VPS53: variants seen among roughly 807,000 people sequenced by gnomAD.
The protein encoded by VPS53 is VPS53 subunit of GARP complex, also known as vacuolar protein sorting-associated protein 53 homolog.
A neutral mutation model predicts 107.0 loss-of-function variants in VPS53; 70 were observed. That is an observed-to-expected ratio of 0.65 (90% CI 0.54 to 0.80). The LOEUF (loss-of-function observed/expected upper bound fraction) is 0.80, where lower values mean the gene tolerates loss of function less well. Ranked by LOEUF, VPS53 falls within the 30% of genes least tolerant of loss-of-function variation. The pLI is 0.00. For synonymous variants in VPS53, 409 were observed against 393.3 expected, an observed-to-expected ratio of 1.04 and a Z score of -0.47; for missense variants, 917 against 1,049.4, an observed-to-expected ratio of 0.87 and a Z score of 1.74.
chr17:535,466 G>C (rs1909977936), intron 18 of VPS53, among the ~76,000 whole-genome samples: 2 of 151,618 alleles, frequency 1.3e-5, no homozygotes, highest in Non-Finnish European at 2.9e-5. Context: ...GGAGACGCCG[G>C]GACTGGCTAA....
chr17:627,065 G>T, intron 10 of VPS53, 109 bp downstream of exon 10: 1 of 1,396,218 alleles, frequency 7.2e-7, no homozygotes, highest in Non-Finnish European at 9.6e-7. Context: ...CATCTGGTGG[G>T]GTCTGGAAGT....
At chr17:634,869 T>C (rs1167782559) in intron 7 of VPS53, among the ~76,000 whole-genome samples, 2 of 146,978 alleles carry the variant, frequency 1.4e-5, no homozygotes, top group Non-Finnish European at 3.1e-5. Flanking sequence ...TGTGCATGTG[T>C]CTTTATAGCA....
chr17:627,136 T>C (rs111719370), intron 10 of VPS53, 38 bp downstream of exon 10: 820 of 1,585,336 alleles, frequency 5.2e-4, no homozygotes, highest in Non-Finnish European at 6.2e-4. Context: ...TGGTGAAAAT[T>C]TGATTAACCA....
chr17:520,872 A>ACATGAGCTCTTCACCCTCACCTC lies in VPS53; in HGVS notation c.2223+728_2223+729insGAGGTGAGGGTGAAGAGCTCATG, dbSNP rs1350053255. Reference sequence around the variant, plus strand: ...CTACATGAGCTCTTCACCCTCACCTACATGAGCTCTTCACCCTTACCTACA... The same window carrying ACATGAGCTCTTCACCCTCACCTC: ...CTACATGAGCTCTTCACCCTCACCTACATGAGCTCTTCACCCTCACCTCCATGAGCTCTTCACCCTTACCTACA... On this transcript the variant is annotated intron_variant, in intron 20 of 21. Coordinates refer to ENST00000437048, the MANE Select transcript of VPS53 (RefSeq NM_001128159.3). The surrounding 1 kb of genome is among the most constrained non-coding windows in gnomAD (Gnocchi z 4.4). Among the ~76,000 whole-genome samples, 1 of 151,292 alleles carries ACATGAGCTCTTCACCCTCACCTC rather than the reference A, an allele frequency of 6.6e-6. No homozygotes were observed. The highest frequency in any genetic ancestry group is 2.4e-5 in the African/African-American group (1 of 41,072).
At position 508,690 on chromosome 17, in the gene VPS53, T is replaced by C. The variant is rs1027784017; in HGVS notation, c.*10438A>G. The C allele has an allele frequency of 2.6e-5, 4 of 152,174 alleles. No individual in the cohort carries two copies. The highest frequency in any genetic ancestry group is 1.3e-4 in the Admixed American group (2 of 15,276). 9.4% of individuals were successfully genotyped at this position (152,174 alleles called of 1,614,324 possible). ...GGAGCCTGTTACCATCTCTGTTTAA[T>C]TGAAGAGCCTCTACCATTGCAAGAA... On this transcript the variant is annotated 3_prime_UTR_variant, in exon 22 of 22. Coordinates refer to ENST00000437048, the MANE Select transcript of VPS53 (RefSeq NM_001128159.3).
In VPS53 at chr17:516,776, C is replaced by G. The variant is rs1908343413; in HGVS notation, c.*2352G>C. On this transcript the variant is annotated 3_prime_UTR_variant, in exon 22 of 22. Coordinates refer to ENST00000437048, the MANE Select transcript of VPS53 (RefSeq NM_001128159.3). The stretch of plus-strand genomic sequence containing the variant: ...TCAAGGAGACATTTAACAGAAACTC[C>G]TACTGACATCCATTGGTTCCTTGGG... 1 of 152,276 alleles carries G rather than the reference C, an allele frequency of 6.6e-6. No homozygotes were observed. The highest frequency in any genetic ancestry group is 1.5e-5 in the Non-Finnish European group (1 of 68,066). The allele number at this position is 152,276 out of a possible 1,614,324, so 9.4% of individuals were successfully genotyped here. A position where few individuals can be genotyped will look rare whatever the true frequency, so the allele number is the denominator to read the frequency against.
chr17:696,791 C>CT (rs67948585), intron 4 of VPS53, among the ~76,000 whole-genome samples: 90,852 of 113,674 alleles, frequency 0.8, 37,828 homozygotes, highest in South Asian at 0.93. Context: ...ACTTATAAAA[C>CT]TTTTTTTTTT....
intron 11 of VPS53, among the ~76,000 whole-genome samples, chr17:618,257 A>C (rs1597388102): frequency 1.4e-5 from 1 of 71,004 alleles, no homozygotes; most frequent in Admixed American, 1.4e-4. Context: ...GTGCACCACC[A>C]CGCCTGCTAA....
chr17:532,883 G>C lies in VPS53; in HGVS notation c.2044C>G (p.Leu682Val). ...NSFIPKFITH[L>V]FKCKPISMVG... is the part of the protein sequence containing the mutation. ...ATGCTAATTGGCTTGCACTTGAAGA[G>C]GTGGGTGATGAATTTGGGAATGAAG... The change falls in exon 19 of 22, where the codon CTC (leucine) becomes GTC (valine). Residue 682 changes from leucine (L) to valine (V), a missense_variant. By Grantham distance (32) the Leu-to-Val change is conservative (BLOSUM62 1). Transcript: ENST00000437048. 1 of 1,614,024 alleles carries C rather than the reference G, an allele frequency of 6.2e-7. No homozygotes were observed. Among genetic ancestry groups the C allele is most frequent in the South Asian group, 1.1e-5 (1 of 91,048 alleles).
At chr17:630,296 A>AAAC (rs1567690349) in intron 8 of VPS53, among the ~76,000 whole-genome samples, 1 of 152,004 alleles carries the variant, frequency 6.6e-6, no homozygotes, top group African/African-American at 2.4e-5. Flanking sequence ...CGTCAAAAAA[A>AAAC]AAACAAACAA....
intron 4 of VPS53, among the ~76,000 whole-genome samples, chr17:667,496 G>A (rs1016322542): frequency 1.0e-5 from 1 of 99,898 alleles, no homozygotes; most frequent in African/African-American, 5.3e-5. Context: ...TAATGTTCTG[G>A]GGGGGGCAAT....
Position 553,290 on chromosome 17 carries a change from G to A in VPS53, c.1787+90C>T, listed in dbSNP as rs189637803. 2.8e-4 allele frequency: 341 copies of A among 1,237,844 alleles called. 2 individuals are homozygous for A. The African/African-American group carries it at 3.9e-3, about 14-fold the overall frequency. The allele number at this position is 1,237,844 out of a possible 1,614,324, so 76.7% of individuals were successfully genotyped here. A position where few individuals can be genotyped will look rare whatever the true frequency, so the allele number is the denominator to read the frequency against. ...GTGTAGTGGAGAAAGGGCAGGCAGCGAGCAAGCGTGTGCAGGGTACATACG... is the reference window on the plus strand; with the variant it reads ...GTGTAGTGGAGAAAGGGCAGGCAGCAAGCAAGCGTGTGCAGGGTACATACG... On this transcript the variant is annotated intron_variant, in intron 16 of 21. Coordinates refer to ENST00000437048, the MANE Select transcript of VPS53 (RefSeq NM_001128159.3).
chr17:606,794 A>C (rs1968606050), intron 11 of VPS53, among the ~76,000 whole-genome samples: 1 of 152,114 alleles, frequency 6.6e-6, no homozygotes, highest in Admixed American at 6.5e-5. Context: ...ACTCCTTCTG[A>C]GAATCCAATG....
In VPS53 at chr17:536,905, G is replaced by A. The variant is rs1910122326; in HGVS notation, c.2015+123C>T. ...TGGGAAGACTGTGCATGTTGGGGGG[G>A]TCAGGTACACGGGAAATCTCTGTGC... On this transcript the variant is annotated intron_variant, in intron 18 of 21. Coordinates refer to ENST00000437048, the MANE Select transcript of VPS53 (RefSeq NM_001128159.3). The A allele has an allele frequency of 2.4e-6, 3 of 1,257,396 alleles. No homozygotes were observed. The Admixed American group carries it at 7.0e-5, about 29-fold the overall frequency. 77.9% of individuals were successfully genotyped at this position (1,257,396 alleles called of 1,614,324 possible).
intron 11 of VPS53, among the ~76,000 whole-genome samples, chr17:623,092 C>T (rs187329787): frequency 2.6e-4 from 40 of 152,190 alleles, no homozygotes; most frequent in Admixed American, 9.2e-4. Flanking sequence ...AATGGAGGCA[C>T]GTAGTCCCCA....
At chr17:604,897 T>C (rs1968492916) in intron 11 of VPS53, among the ~76,000 whole-genome samples, 1 of 151,898 alleles carries the variant, frequency 6.6e-6, no homozygotes, top group Admixed American at 6.6e-5. Context: ...GCCCTAGGAG[T>C]AGAGCAGTGA....
chr17:685,937 A>AG (rs1400057039), intron 4 of VPS53, among the ~76,000 whole-genome samples: 3 of 152,106 alleles, frequency 2.0e-5, no homozygotes, highest in Non-Finnish European at 2.9e-5. Flanking sequence ...GTTTGAGGCC[A>AG]GGAGTTTGAG....
intron 9 of VPS53, among the ~76,000 whole-genome samples, chr17:627,853 T>C (rs563390244): frequency 2.0e-5 from 3 of 152,302 alleles, no homozygotes; most frequent in African/African-American, 7.2e-5. Context: ...GGTCTATACA[T>C]TTCCAGAAAC....
chr17:645,256 G>A (rs533745126), intron 7 of VPS53, among the ~76,000 whole-genome samples: 4 of 152,186 alleles, frequency 2.6e-5, no homozygotes, highest in African/African-American at 7.2e-5. Context: ...GTCACTTCAC[G>A]TCCTAACGGG....
Sources: allele counts gnomAD v4.1 joint callset (sites outside exome capture counted in the v4.1 genomes callset), GRCh38; gene constraint gnomAD v4.1.1; non-coding constraint Gnocchi (gnomAD v3.1); transcripts MANE v1.5; gene names NCBI Gene and HGNC (gene_info 2026-07-23, HGNC 2026-07-21).